Variants in ASIP observed in about 807,000 individuals in gnomAD.
ASIP encodes agouti-signaling protein.
ASIP carries 11 observed loss-of-function variants against 10.3 expected under a neutral mutation model. The observed-to-expected ratio is 1.07, with a 90% CI of 0.68 to 1.78. The LOEUF (loss-of-function observed/expected upper bound fraction) is 1.78. ASIP is among the 40% of genes most tolerant of loss of function. The pLI is 0.00. For missense variants in ASIP, 180 were observed against 169.2 expected, an observed-to-expected ratio of 1.06 and a Z score of -0.35; for synonymous variants, 70 against 70.8, an observed-to-expected ratio of 0.99 and a Z score of 0.06.
chr20:34,197,436 G>C (rs1300910000), intron 1 of ASIP, among the ~76,000 whole-genome samples: 1 of 152,180 alleles, frequency 6.6e-6, no homozygotes, highest in Non-Finnish European at 1.5e-5. Context: ...CTTCGGGTTA[G>C]CCTCCTCTCA....
intron 1 of ASIP, among the ~76,000 whole-genome samples, chr20:34,222,843 C>A (rs1303706079): frequency 6.6e-6 from 1 of 151,708 alleles, no homozygotes; most frequent in Non-Finnish European, 1.5e-5. Context: ...TTGGCCGGGC[C>A]GGTCTCCAGC....
chr20:34,251,459 A>G (rs1007677113), intron 1 of ASIP, among the ~76,000 whole-genome samples: 15 of 151,994 alleles, frequency 9.9e-5, no homozygotes, highest in African/African-American at 3.6e-4. Context: ...ATTTTTTAAT[A>G]GAGACGGGGT....
At chr20:34,202,622 T>C (rs2034907186) in intron 1 of ASIP, among the ~76,000 whole-genome samples, 1 of 152,082 alleles carries the variant, frequency 6.6e-6, no homozygotes, top group African/African-American at 2.4e-5. Context: ...TATTAATCCA[T>C]TGTCTATCTA....
chr20:34,201,067 T>C (rs923417275), intron 1 of ASIP, among the ~76,000 whole-genome samples: 1 of 149,218 alleles, frequency 6.7e-6, no homozygotes, highest in African/African-American at 2.5e-5. Context: ...TTTCTTTTTT[T>C]TCCTCCAGAA....
intron 2 of ASIP, 98 bp downstream of exon 2, chr20:34,260,632 G>A (rs894313568): frequency 1.4e-5 from 18 of 1,321,542 alleles, no homozygotes; most frequent in African/African-American, 1.0e-4. Flanking sequence ...CCATGGTCAC[G>A]GCTCCTTCTT....
intron 2 of ASIP, among the ~76,000 whole-genome samples, chr20:34,262,134 G>GAAGA (rs1194862939): frequency 1.3e-5 from 2 of 151,944 alleles, no homozygotes; most frequent in Non-Finnish European, 2.9e-5. Context: ...AAAAGAAGAA[G>GAAGA]AAGAAAGAAA....
chr20:34,266,957 G>A (rs1352796508), intron 3 of ASIP, among the ~76,000 whole-genome samples: 2 of 152,102 alleles, frequency 1.3e-5, no homozygotes, highest in Non-Finnish European at 2.9e-5. Flanking sequence ...TGTAACCAAA[G>A]CAAGGAGCAC....
At chr20:34,234,889 T>C (rs2035158448) in intron 1 of ASIP, 1 of 151,406 alleles carries the variant, frequency 6.6e-6, no homozygotes, top group Admixed American at 6.6e-5. Flanking sequence ...CCTCATATAT[T>C]TCATGTTTAC....
chr20:34,265,793 T>TA lies in ASIP; in HGVS notation c.222+2901dup, dbSNP rs201029733. Among the ~76,000 whole-genome samples the TA allele has an allele frequency of 3.7e-3, 565 of 151,544 alleles. 6 individuals are homozygous for TA. Among genetic ancestry groups the TA allele is most frequent in the East Asian group, 0.032 (164 of 5,070 alleles). On this transcript the variant is annotated intron_variant, in intron 3 of 3. Transcript: ENST00000374954. ...GGTGAAACCCCATCTCTACTAAAAA[T>TA]ACAAAAATTAGCTGGGTATGGTGCT...
At chr20:34,227,216 G>T (rs778499533) in intron 1 of ASIP, among the ~76,000 whole-genome samples, 1 of 151,680 alleles carries the variant, frequency 6.6e-6, no homozygotes, top group East Asian at 1.9e-4. Flanking sequence ...ACAAATTGAC[G>T]TGTTAAAAAA....
rs748566826 is a variant in ASIP, at chr20:34,235,901, A to G, written c.-10-24464A>G. Among the ~76,000 whole-genome samples the G allele has an allele frequency of 4.1e-3, 285 of 70,224 alleles. 27 individuals are homozygous for G. In the African/African-American group the frequency reaches 0.056, roughly 14 times the overall value. The allele number at this position is 70,224 out of a possible 152,430, so 46.1% of individuals were successfully genotyped here. A position where few individuals can be genotyped will look rare whatever the true frequency, so the allele number is the denominator to read the frequency against. ...AGGAAGGAAGGAAGGAAGGAAGGAAAGGAAGGAAGGAAGGAAGGAAGGAAG... is the reference window on the plus strand; with the variant it reads ...AGGAAGGAAGGAAGGAAGGAAGGAAGGGAAGGAAGGAAGGAAGGAAGGAAG... On this transcript the variant is annotated intron_variant, in intron 1 of 3. Coordinates refer to the ASIP transcript ENST00000568305.
intron 1 of ASIP, among the ~76,000 whole-genome samples, chr20:34,223,492 G>A (rs1165688612): frequency 1.3e-5 from 2 of 151,876 alleles, no homozygotes; most frequent in African/African-American, 4.8e-5. Flanking sequence ...GTCCGGGAGG[G>A]AGGTGGGGGG....
chr20:34,188,574 C>T, the ASIP span, among the ~76,000 whole-genome samples: 4 of 151,996 alleles, frequency 2.6e-5, no homozygotes, highest in African/African-American at 9.7e-5. Context: ...CTCCTGGTAA[C>T]AGTAGTTATT....
At chr20:34,244,156 G>C (rs1291280960) in intron 1 of ASIP, among the ~76,000 whole-genome samples, 1 of 152,216 alleles carries the variant, frequency 6.6e-6, no homozygotes, top group Non-Finnish European at 1.5e-5. Flanking sequence ...TTTCTTAGAA[G>C]TGTCCGCAGC....
upstream of ASIP, among the ~76,000 whole-genome samples, chr20:34,241,149 G>A (rs766574110): frequency 2.0e-5 from 3 of 152,154 alleles, no homozygotes; most frequent in Non-Finnish European, 2.9e-5. Context: ...CGCCTATAGA[G>A]ATTCTATTTT....
At chr20:34,206,717 TA>T (rs1196730619) in intron 1 of ASIP, among the ~76,000 whole-genome samples, 3 of 152,202 alleles carry the variant, frequency 2.0e-5, no homozygotes, top group Non-Finnish European at 4.4e-5. Flanking sequence ...TAGCTGGGAC[TA>T]CAGGTGCAAG....
upstream of ASIP, among the ~76,000 whole-genome samples, chr20:34,193,237 C>T (rs975380873): frequency 1.3e-5 from 2 of 152,346 alleles, no homozygotes; most frequent in Middle Eastern, 3.4e-3. Flanking sequence ...GTTACAGCTA[C>T]AGCATTTCTA....
rs532380650 is a variant in ASIP, at chr20:34,245,129, T to A, written c.-11+3640T>A. 1.4e-3 allele frequency among the ~76,000 whole-genome samples: 209 copies of A among 150,514 alleles called. 1 individual carries two copies. Among genetic ancestry groups the A allele is most frequent in the African/African-American group, 4.4e-3 (182 of 40,986 alleles). ...GGTGGGCAAATCACGAGGTCAGGAG[T>A]TCGAGACCAGCCTGGCAAACATGAT... On this transcript the variant is annotated intron_variant, in intron 1 of 3. Coordinates refer to ENST00000374954, the MANE Select transcript of ASIP (RefSeq NM_001672.3).
chr20:34,211,873 T>G (rs2034977221), intron 1 of ASIP, among the ~76,000 whole-genome samples: 1 of 152,222 alleles, frequency 6.6e-6, no homozygotes, highest in Non-Finnish European at 1.5e-5. Context: ...CATGCCTAGG[T>G]GTACATTTAT....
Sources: allele counts gnomAD v4.1 joint callset (sites outside exome capture counted in the v4.1 genomes callset), GRCh38; gene constraint gnomAD v4.1.1; transcripts MANE v1.5; gene names NCBI Gene and HGNC (gene_info 2026-07-23, HGNC 2026-07-21).